TACC2: variants seen among roughly 807,000 people sequenced by gnomAD.
TACC2 encodes transforming acidic coiled-coil-containing protein 2.
Under a neutral mutation model 227.3 loss-of-function variants are expected in TACC2, and 137 were observed. The ratio of observed to expected loss-of-function variants is 0.60; its 90% CI spans 0.52 to 0.69. The LOEUF is 0.69. Ranked by LOEUF, TACC2 falls within the 30% of genes least tolerant of loss-of-function variation. TACC2 has a pLI of 0.00. For missense variants in TACC2, 3,470 were observed against 3,694.4 expected (o/e 0.94, Z 1.57); for synonymous variants, 1,523 against 1,487.5 (o/e 1.02, Z -0.55).
chr10:122,077,356 C>G (rs2078934896), intron 3 of TACC2, among the ~76,000 whole-genome samples: 1 of 152,064 alleles, frequency 6.6e-6, no homozygotes, highest in Non-Finnish European at 1.5e-5. Context: ...CATTACACTC[C>G]AATAGGGAAA....
rs1412735022 is a variant in TACC2 at position 122,107,880 on chromosome 10, A to ATTTT, written c.5573+19296_5573+19299dup. On this transcript the variant is annotated intron_variant, in intron 5 of 22. Coordinates refer to ENST00000369005, the MANE Select transcript of TACC2 (RefSeq NM_206862.4). ...AAGTCCATTATATATATATATATAT[A>ATTTT]TTTTTTTTTTCTTTTTTCTTTTTTT... Among the ~76,000 whole-genome samples the ATTTT allele has an allele frequency of 1.7e-3, 169 of 102,268 alleles. 1 individual carries two copies. Among genetic ancestry groups the ATTTT allele is most frequent in the Middle Eastern group, 0.013 (2 of 152 alleles). 67.1% of individuals were successfully genotyped at this position (102,268 alleles called of 152,430 possible).
intron 6 of TACC2, 58 bp from the exon 7 acceptor site, chr10:122,143,514 G>A: frequency 6.3e-7 from 1 of 1,578,224 alleles, no homozygotes; most frequent in Non-Finnish European, 8.6e-7. Flanking sequence ...GGGGCCTGAT[G>A]AATGTGCCAT....
intron 3 of TACC2, chr10:122,079,043 A>C (rs936760255): frequency 3.9e-5 from 6 of 152,250 alleles, no homozygotes; most frequent in African/African-American, 1.4e-4. Context: ...TTCCTGTCAG[A>C]GGCGTGGACA....
intron 18 of TACC2, 144 bp downstream of exon 18, chr10:122,238,181 A>G: frequency 1.6e-6 from 1 of 612,952 alleles, no homozygotes; most frequent in East Asian, 2.8e-5. Context: ...ATTTTTCTAA[A>G]AGTATTTTTA....
intron 6 of TACC2, among the ~76,000 whole-genome samples, chr10:122,142,209 C>G (rs1220856109): frequency 6.6e-6 from 1 of 152,160 alleles, no homozygotes; most frequent in East Asian, 1.9e-4. Flanking sequence ...TCTGTGGAGC[C>G]CCGAGGGAGC....
chr10:122,207,493 A>G (rs1312050517), intron 8 of TACC2, among the ~76,000 whole-genome samples: 1 of 152,152 alleles, frequency 6.6e-6, no homozygotes, highest in Non-Finnish European at 1.5e-5. Context: ...GTTGGTTGTC[A>G]CAGCTGGGGT....
chr10:122,172,445 G>T (rs1184166075), intron 7 of TACC2, among the ~76,000 whole-genome samples: 1 of 152,116 alleles, frequency 6.6e-6, no homozygotes, highest in Non-Finnish European at 1.5e-5. Flanking sequence ...ATTCCAAGGG[G>T]CTCCAGCCTC....
chr10:122,151,394 A>G (rs944191669), intron 7 of TACC2, among the ~76,000 whole-genome samples: 3 of 152,002 alleles, frequency 2.0e-5, no homozygotes, highest in South Asian at 4.1e-4. Context: ...GGGAAGAGGA[A>G]CCAAATGTGC....
chr10:122,200,071 A>G (rs1462474259), intron 8 of TACC2, among the ~76,000 whole-genome samples: 19 of 152,224 alleles, frequency 1.2e-4, no homozygotes, highest in Admixed American at 1.2e-3. Context: ...GAGCCTTTTC[A>G]GGCCTGGATC....
chr10:122,078,059 G>A (rs2079019527), intron 3 of TACC2, among the ~76,000 whole-genome samples: 1 of 152,082 alleles, frequency 6.6e-6, no homozygotes, highest in African/African-American at 2.4e-5. Context: ...GCCGGGCATG[G>A]TGGTGCACGC....
intron 9 of TACC2, 86 bp downstream of exon 9, chr10:122,211,794 G>A (rs1233668757): frequency 2.2e-5 from 27 of 1,238,350 alleles, no homozygotes; most frequent in Non-Finnish European, 2.8e-5. Flanking sequence ...GATAACCTTC[G>A]ACTGCCCTAA....
chr10:122,222,769 C>T (rs2095545950), intron 11 of TACC2, among the ~76,000 whole-genome samples: 1 of 152,212 alleles, frequency 6.6e-6, no homozygotes, highest in Non-Finnish European at 1.5e-5. Context: ...CTGCGGTGGT[C>T]TGTTGCTCGT....
Position 122,132,898 on chromosome 10 carries a change from G to T in TACC2, c.5699+164G>T, listed in dbSNP as rs552522180. ...GTGCACACCTGTCCTGAACAGGTGT[G>T]TGCCAGAGTTGGGGCCTCTTCTTGT... On this transcript the variant is annotated intron_variant, in intron 6 of 22. Coordinates refer to ENST00000369005, the MANE Select transcript of TACC2 (RefSeq NM_206862.4). 1.0e-3 allele frequency among the ~76,000 whole-genome samples: 152 copies of T among 151,976 alleles called. 1 individual carries two copies. The highest frequency in any genetic ancestry group is 3.6e-3 in the African/African-American group (149 of 41,396).
Position 122,083,209 on chromosome 10 carries a change from G to T in TACC2, c.709G>T (p.Ala237Ser). The T allele has an allele frequency of 1.2e-6, 2 of 1,613,514 alleles. No individual in the cohort carries two copies. Among genetic ancestry groups the T allele is most frequent in the Non-Finnish European group, 1.7e-6 (2 of 1,180,006 alleles). Reference sequence around the variant, plus strand: ...AGAGGCTGCAGGTGGCTTTCCCCCTGCAGAGTCCAGGCAGGGGGTGGCTTC... The same window carrying T: ...AGAGGCTGCAGGTGGCTTTCCCCCTTCAGAGTCCAGGCAGGGGGTGGCTTC... ...EKEAAGGFPP[A>S]ESRQGVASVQ... Residue 237 changes from alanine (A) to serine (S), a missense_variant, in exon 4 of 23, where the codon GCA (alanine) becomes TCA (serine). Physicochemically the swap from Ala to Ser is moderately conservative, Grantham distance 99 (BLOSUM62 1). Around this residue, in one of 10 missense-constraint regions of TACC2, gnomAD observed 405 missense variants for 389.6 expected, o/e 1.04. Transcript: ENST00000369005.
chr10:122,231,171 C>G (rs976883195), intron 16 of TACC2, among the ~76,000 whole-genome samples: 5 of 152,180 alleles, frequency 3.3e-5, no homozygotes, highest in African/African-American at 1.2e-4. Context: ...ATCTTTTCGC[C>G]TGGCTTCCAA....
Position 122,254,173 on chromosome 10 carries a change from T to C in TACC2, c.*117T>C. The C allele has an allele frequency of 1.2e-6, 1 of 827,152 alleles. No individual in the cohort carries two copies. 51.2% of individuals were successfully genotyped at this position (827,152 alleles called of 1,614,324 possible). On this transcript the variant is annotated 3_prime_UTR_variant, in exon 23 of 23. Coordinates refer to ENST00000369005, the MANE Select transcript of TACC2 (RefSeq NM_206862.4). ...TCACTTTTTCGTATGCACTACTGTA[T>C]TTCCTTTCTAAATAAAATTGATTTG...
chr10:122,205,925 T>A lies in TACC2; in HGVS notation c.5972-4472T>A, dbSNP rs1593328237. ...TTTTCCCAGAATAAATATTACTAAC[T>A]GAAGATTACTATTTGTGTACTTAGA... On this transcript the variant is annotated intron_variant, in intron 8 of 22. Transcript: ENST00000369005. This position sits in a 1 kb window ranked among gnomAD's most constrained non-coding sequence, Gnocchi z 4.5. 6.6e-6 allele frequency among the ~76,000 whole-genome samples: 1 copy of A among 152,196 alleles called. No homozygotes were observed. Among genetic ancestry groups the A allele is most frequent in the Admixed American group, 6.5e-5 (1 of 15,282 alleles).
At chr10:122,015,628 G>A (rs1464575012) in intron 1 of TACC2, among the ~76,000 whole-genome samples, 1 of 152,062 alleles carries the variant, frequency 6.6e-6, no homozygotes, top group Non-Finnish European at 1.5e-5. Flanking sequence ...GAGGTGGGCG[G>A]ATCACCTGAA....
chr10:122,036,730 G>A (rs1379998962), intron 2 of TACC2, among the ~76,000 whole-genome samples: 1 of 152,092 alleles, frequency 6.6e-6, no homozygotes, highest in Non-Finnish European at 1.5e-5. Flanking sequence ...AGTGAATAAT[G>A]CTGTGATGAA....
Sources: gnomAD v4.1 joint callset for allele counts (sites outside exome capture counted in the v4.1 genomes callset) on GRCh38, gnomAD v4.1.1 for gene constraint, gnomAD v4.1.1 regional missense constraint, Gnocchi (gnomAD v3.1) non-coding constraint, MANE v1.5 for transcripts, NCBI Gene and HGNC (gene_info 2026-07-23, HGNC 2026-07-21) for gene names.